The following LINGO1 variants were observed in gnomAD, a reference collection of about 807,000 sequenced individuals.
The protein encoded by LINGO1 is leucine rich repeat and Ig domain containing 1.
In LINGO1, 11 loss-of-function variants were observed where a neutral mutation model predicts 37.3. The ratio of observed to expected loss-of-function variants is 0.29; its 90% confidence interval spans 0.19 to 0.49. The LOEUF is 0.49. Ranked by LOEUF, LINGO1 falls within the 20% of genes least tolerant of loss-of-function variation. The probability of loss-of-function intolerance (pLI) is 0.99; values close to 1 mark genes in which losing one functional copy is unlikely to be tolerated. For synonymous variants in LINGO1, 387 were observed against 403.0 expected (o/e 0.96, Z 0.48); for missense variants, 585 against 878.2 (o/e 0.67, Z 4.22).
chr15:77,626,073 A>C (rs919958715), intron 1 of LINGO1, among the ~76,000 whole-genome samples: 1 of 152,186 alleles, frequency 6.6e-6, no homozygotes, highest in African/African-American at 2.4e-5. Context: ...CTCCAAAGGC[A>C]TAACACCCTT....
At position 77,625,894 on chromosome 15, in the gene LINGO1, G is replaced by A. The variant is rs146305087; in HGVS notation, c.6+6416C>T. ...CACACTGCCCTCACTGCTGGGGGCGGAGAGTTCAGGGAGAGGGAAGGGAAG... is the reference window on the plus strand; with the variant it reads ...CACACTGCCCTCACTGCTGGGGGCGAAGAGTTCAGGGAGAGGGAAGGGAAG... On this transcript the variant is annotated intron_variant, in intron 1 of 1. Transcript: ENST00000355300. Among the ~76,000 whole-genome samples the A allele has an allele frequency of 1.2e-4, 18 of 152,300 alleles. No homozygotes were observed. In the East Asian group the frequency reaches 1.3e-3, roughly 11 times the overall value.
intron 1 of LINGO1, among the ~76,000 whole-genome samples, chr15:77,773,332 C>T (rs1044012617): frequency 6.6e-6 from 1 of 152,192 alleles, no homozygotes; most frequent in Non-Finnish European, 1.5e-5. Context: ...AACAATGTGG[C>T]CAGCATGAAT....
rs950701779 is a variant in LINGO1, at chr15:77,716,394, T to C, written c.-195+18598A>G. On this transcript the variant is annotated intron_variant, in intron 2 of 3. Coordinates refer to the LINGO1 transcript ENST00000561686. Reference sequence around the variant, plus strand: ...CTCCTGGGCTCAATCAATCCTCCCATCCAAGCCTCGCAAGTAGCTAGGACT... The same window carrying C: ...CTCCTGGGCTCAATCAATCCTCCCACCCAAGCCTCGCAAGTAGCTAGGACT... Among the ~76,000 whole-genome samples, 5 of 143,752 alleles carry C rather than the reference T, an allele frequency of 3.5e-5. 1 individual carries two copies. In the East Asian group the frequency reaches 7.4e-4, roughly 21 times the overall value. 94.3% of individuals were successfully genotyped at this position (143,752 alleles called of 152,430 possible).
intron 3 of LINGO1, among the ~76,000 whole-genome samples, chr15:77,642,648 GC>G (rs2074534593): frequency 6.6e-6 from 1 of 152,188 alleles, no homozygotes; most frequent in African/African-American, 2.4e-5. Context: ...GCCCTTCAGA[GC>G]CCCCATAGTC....
intron 1 of LINGO1, among the ~76,000 whole-genome samples, chr15:77,802,051 G>A (rs2076923567): frequency 6.6e-6 from 1 of 152,208 alleles, no homozygotes; most frequent in Non-Finnish European, 1.5e-5. Flanking sequence ...CAGTGCTGCA[G>A]GAAGGGAGAG....
At position 77,759,574 on chromosome 15, in the gene LINGO1, G is replaced by A. The variant is rs565455965; in HGVS notation, c.-256-24521C>T. The stretch of plus-strand genomic sequence containing the variant: ...AGGACCAGTGCCCAGCACACCATAG[G>A]TGCTCAGCAAGCGTCACCTTCACCT... On this transcript the variant is annotated intron_variant, in intron 1 of 3. Coordinates refer to the LINGO1 transcript ENST00000561686. Among the ~76,000 whole-genome samples the A allele has an allele frequency of 3.9e-5, 6 of 152,344 alleles. No individual in the cohort carries two copies. In the East Asian group the frequency reaches 9.6e-4, roughly 24 times the overall value.
At chr15:77,754,772 C>A (rs1298591271) in intron 1 of LINGO1, among the ~76,000 whole-genome samples, 3 of 152,234 alleles carry the variant, frequency 2.0e-5, no homozygotes, top group African/African-American at 7.2e-5. Flanking sequence ...CGTCCTTGGC[C>A]TGGCCTATCA....
In LINGO1 at chr15:77,615,861, G is replaced by T; in HGVS notation, c.46C>A (p.Pro16Thr). 1 of 1,488,302 alleles carries T rather than the reference G, an allele frequency of 6.7e-7. No individual in the cohort carries two copies. Among genetic ancestry groups the T allele is most frequent in the Non-Finnish European group, 8.9e-7 (1 of 1,125,942 alleles). 92.2% of individuals were successfully genotyped at this position (1,488,302 alleles called of 1,614,324 possible). Residue 16 changes from proline (P) to threonine (T), a missense_variant, in exon 2 of 2, where the codon CCC becomes ACC. Pro to Thr is a conservative substitution (Grantham distance 38). This residue lies in a region of LINGO1 where 65 missense variants were observed against 57.0 expected (regional missense o/e 1.14). Transcript: ENST00000355300. Reference sequence around the variant, plus strand: ...TGCCAGCAGGCCAGGAGGGGGCTGGGCATGCTCCTCACGCCCCCCGCCAGC... The same window carrying T: ...TGCCAGCAGGCCAGGAGGGGGCTGGTCATGCTCCTCACGCCCCCCGCCAGC... ...RMLAGGVRSM[P>T]SPLLACWQPI...
chr15:77,684,566 G>A (rs747392652), intron 2 of LINGO1, among the ~76,000 whole-genome samples: 1 of 152,240 alleles, frequency 6.6e-6, no homozygotes, highest in Admixed American at 6.5e-5. Context: ...TGGGCACGGT[G>A]GAGGGTGCAC....
intron 1 of LINGO1, among the ~76,000 whole-genome samples, chr15:77,818,617 G>A (rs907266963): frequency 1.3e-5 from 2 of 151,950 alleles, no homozygotes; most frequent in African/African-American, 4.8e-5. Context: ...CAGAAGGCGC[G>A]GGGACACACA....
intron 1 of LINGO1, among the ~76,000 whole-genome samples, chr15:77,800,726 G>A (rs1243364535): frequency 1.3e-5 from 2 of 152,130 alleles, no homozygotes; most frequent in African/African-American, 2.4e-5. Flanking sequence ...GTACATAAAC[G>A]TGTAAAACAT....
At chr15:77,646,445 G>A in intron 3 of LINGO1, 1 of 455,944 alleles carries the variant, frequency 2.2e-6, no homozygotes, top group South Asian at 1.6e-5. Context: ...CGAGAAGAGG[G>A]AGGAGACACT....
chr15:77,814,000 C>CA (rs1349369037), intron 1 of LINGO1, among the ~76,000 whole-genome samples: 1 of 125,760 alleles, frequency 8.0e-6, no homozygotes, highest in African/African-American at 3.9e-5. Flanking sequence ...CCCTAGGAAG[C>CA]CCCCCCAATC....
upstream of LINGO1, chr15:77,634,290 G>GCACC (rs752107465): frequency 2.0e-5 from 9 of 456,100 alleles, no homozygotes; most frequent in East Asian, 5.6e-4. Context: ...TGTTCCAGCT[G>GCACC]CACCATTTCT....
At chr15:77,616,020 G>A (rs747422348) in intron 1 of LINGO1, 120 bp from the exon 2 acceptor site, 5 of 671,680 alleles carry the variant, frequency 7.4e-6, no homozygotes, top group Non-Finnish European at 9.3e-6. Context: ...TGCAGATAGA[G>A]AGGCAGGGTC....
intron 3 of LINGO1, among the ~76,000 whole-genome samples, chr15:77,659,659 G>A (rs1349359132): frequency 6.6e-6 from 1 of 152,218 alleles, no homozygotes; most frequent in African/African-American, 2.4e-5. Context: ...TGGATGGGGA[G>A]AAGCAAAGAG....
At chr15:77,805,158 A>G (rs2076949972) in intron 1 of LINGO1, among the ~76,000 whole-genome samples, 1 of 152,176 alleles carries the variant, frequency 6.6e-6, no homozygotes, top group Non-Finnish European at 1.5e-5. Flanking sequence ...AGCATCCCCT[A>G]ATCCTGCCAG....
At chr15:77,627,320 T>C (rs1234791916) in intron 1 of LINGO1, among the ~76,000 whole-genome samples, 4 of 152,070 alleles carry the variant, frequency 2.6e-5, no homozygotes, top group African/African-American at 9.7e-5. Context: ...ATCGTTGGTG[T>C]ACCAGGCTGG....
At chr15:77,746,711 T>G (rs2076318166) in intron 1 of LINGO1, among the ~76,000 whole-genome samples, 1 of 152,122 alleles carries the variant, frequency 6.6e-6, no homozygotes, top group African/African-American at 2.4e-5. Flanking sequence ...AAAGCTAACA[T>G]GATGGATGGC....
Sources: allele counts gnomAD v4.1 joint callset (sites outside exome capture counted in the v4.1 genomes callset), GRCh38; gene constraint gnomAD v4.1.1; regional missense constraint gnomAD v4.1.1; transcripts MANE v1.5; gene names NCBI Gene and HGNC (gene_info 2026-07-23, HGNC 2026-07-21).